The following ASIC2 variants were observed in gnomAD, a reference collection of about 807,000 sequenced individuals.
The protein encoded by ASIC2 is acid sensing ion channel subunit 2.
ASIC2 carries 25 observed loss-of-function variants against 57.3 expected under a neutral mutation model. That is an observed-to-expected ratio of 0.44 (90% CI 0.32 to 0.61). The LOEUF (loss-of-function observed/expected upper bound fraction) is 0.61, where lower values mean the gene tolerates loss of function less well. ASIC2 is among the 20% of genes least tolerant of loss of function. The pLI is 0.06. For synonymous variants in ASIC2, 319 were observed against 307.5 expected (o/e 1.04, Z -0.39); for missense variants, 641 against 738.1 (o/e 0.87, Z 1.52).
chr17:33,237,628 G>A (rs1363957588), intron 1 of ASIC2, among the ~76,000 whole-genome samples: 1 of 152,098 alleles, frequency 6.6e-6, no homozygotes, highest in Non-Finnish European at 1.5e-5. Context: ...CACCGCGCCC[G>A]GCCTTAGTAG....
At chr17:33,255,785 T>C (rs548905641) in intron 1 of ASIC2, among the ~76,000 whole-genome samples, 1 of 152,298 alleles carries the variant, frequency 6.6e-6, no homozygotes, top group South Asian at 2.1e-4. Context: ...TTCAGGCATG[T>C]CAAAATGTTA....
chr17:33,322,556 G>A lies in ASIC2; in HGVS notation c.556-210489C>T, dbSNP rs570089610. Among the ~76,000 whole-genome samples the A allele has an allele frequency of 3.3e-5, 5 of 152,220 alleles. 1 individual carries two copies. Among genetic ancestry groups the A allele is most frequent in the African/African-American group, 1.2e-4 (5 of 41,528 alleles). On this transcript the variant is annotated intron_variant, in intron 1 of 9. Transcript: ENST00000359872. ...CAATAAACTTAACAACCAGTAGAAA[G>A]ATTCATTCATTCATTCATTCATTCA...
chr17:33,482,545 C>T (rs1913440507), intron 1 of ASIC2, among the ~76,000 whole-genome samples: 1 of 152,242 alleles, frequency 6.6e-6, no homozygotes, highest in Non-Finnish European at 1.5e-5. Flanking sequence ...TGTTCACCTT[C>T]ATTTTCTCAT....
intron 1 of ASIC2, among the ~76,000 whole-genome samples, chr17:33,455,242 C>G (rs933156969): frequency 1.3e-5 from 2 of 151,908 alleles, no homozygotes; most frequent in African/African-American, 4.8e-5. Flanking sequence ...GGTTTCTTAC[C>G]TGGTTATATT....
intron 1 of ASIC2, among the ~76,000 whole-genome samples, chr17:33,169,441 A>G (rs562637397): frequency 6.6e-6 from 1 of 152,358 alleles, no homozygotes; most frequent in African/African-American, 2.4e-5. Flanking sequence ...TTTAGATGAG[A>G]CTGGTAAACC....
intron 1 of ASIC2, among the ~76,000 whole-genome samples, chr17:33,394,851 A>C (rs1407061956): frequency 6.6e-6 from 1 of 152,054 alleles, no homozygotes; most frequent in East Asian, 1.9e-4. Context: ...GAAAAGACTA[A>C]ATTTCTACTC....
At chr17:33,543,286 T>TAAAAC (rs148641876) in intron 1 of ASIC2, among the ~76,000 whole-genome samples, 1 of 140,654 alleles carries the variant, frequency 7.1e-6, no homozygotes, top group South Asian at 2.1e-4. Context: ...TAAAGTATAA[T>TAAAAC]AAAACAAAAC....
chr17:33,364,126 G>A (rs1908716369), intron 1 of ASIC2, among the ~76,000 whole-genome samples: 1 of 152,166 alleles, frequency 6.6e-6, no homozygotes, highest in African/African-American at 2.4e-5. Flanking sequence ...AGGGTCACAA[G>A]TGGAACTCAT....
chr17:33,042,896 C>T (rs150051728), intron 3 of ASIC2, among the ~76,000 whole-genome samples: 49 of 152,054 alleles, frequency 3.2e-4, no homozygotes, highest in Middle Eastern at 3.4e-3. Context: ...GCTTAGTTCT[C>T]ACAACAACCT....
intron 1 of ASIC2, among the ~76,000 whole-genome samples, chr17:33,310,499 A>G (rs1906365721): frequency 6.6e-6 from 1 of 152,168 alleles, no homozygotes; most frequent in Non-Finnish European, 1.5e-5. Flanking sequence ...CAGGAGATGA[A>G]TGTGCATTGA....
intron 1 of ASIC2, among the ~76,000 whole-genome samples, chr17:34,116,546 A>C (rs1911428775): frequency 6.6e-6 from 1 of 152,118 alleles, no homozygotes; most frequent in Admixed American, 6.6e-5. Context: ...CTTACATTCT[A>C]GTCAGGGGGT....
intron 1 of ASIC2, among the ~76,000 whole-genome samples, chr17:33,678,435 CCACA>C (rs71144896): frequency 0.027 from 3,814 of 139,466 alleles, 142 homozygotes; most frequent in African/African-American, 0.086. Flanking sequence ...CTGGTTCAAT[CCACA>C]CACACACACA....
chr17:33,828,288 C>T (rs1913001953), intron 1 of ASIC2: 1 of 152,122 alleles, frequency 6.6e-6, no homozygotes, highest in Admixed American at 6.5e-5. Context: ...ACATATAGTG[C>T]TCTGTAATCT....
At chr17:33,066,386 C>G (rs1486294194) in intron 3 of ASIC2, among the ~76,000 whole-genome samples, 1 of 152,162 alleles carries the variant, frequency 6.6e-6, no homozygotes, top group Non-Finnish European at 1.5e-5. Flanking sequence ...GACCCCATGA[C>G]CCATCTAATA....
intron 1 of ASIC2, among the ~76,000 whole-genome samples, chr17:33,951,772 T>TA (rs1359717817): frequency 6.6e-6 from 1 of 150,840 alleles, no homozygotes; most frequent in African/African-American, 2.4e-5. Context: ...TTTTTTTTTT[T>TA]TAGTGGAGAC....
chr17:33,288,251 TG>T (rs1905274381), intron 1 of ASIC2, among the ~76,000 whole-genome samples: 1 of 151,946 alleles, frequency 6.6e-6, no homozygotes, highest in African/African-American at 2.4e-5. Context: ...ATGCAGCAGG[TG>T]GTCAGGAAAG....
chr17:33,464,657 TTCTC>T (rs1456344272), intron 1 of ASIC2, among the ~76,000 whole-genome samples: 1 of 90,984 alleles, frequency 1.1e-5, no homozygotes, highest in East Asian at 2.4e-4. Flanking sequence ...CCTTTCTTCC[TTCTC>T]TCTCTCTCCC....
chr17:34,153,551 C>CA (rs202006796), intron 1 of ASIC2, among the ~76,000 whole-genome samples: 1,582 of 152,328 alleles, frequency 0.01, 14 homozygotes, highest in Non-Finnish European at 0.014. Context: ...AGGTCTTGAG[C>CA]AAACTCAGCA....
intron 1 of ASIC2, among the ~76,000 whole-genome samples, chr17:33,382,365 C>T (rs1909518175): frequency 6.6e-6 from 1 of 152,130 alleles, no homozygotes; most frequent in Non-Finnish European, 1.5e-5. Context: ...TTTCCAGAGA[C>T]ACTACACTAT....
Sources: gnomAD v4.1 joint callset for allele counts (sites outside exome capture counted in the v4.1 genomes callset) on GRCh38, gnomAD v4.1.1 for gene constraint, MANE v1.5 for transcripts, NCBI Gene and HGNC (gene_info 2026-07-23, HGNC 2026-07-21) for gene names.